SLC16A12: variants seen among roughly 807,000 people sequenced by gnomAD.
SLC16A12 encodes the protein monocarboxylate transporter 12.
Under a neutral mutation model 42.4 loss-of-function variants are expected in SLC16A12, and 17 were observed. The ratio of observed to expected loss-of-function variants is 0.40; its 90% CI spans 0.27 to 0.60. The LOEUF is 0.60. SLC16A12 is among the 20% of genes least tolerant of loss of function. The pLI is 0.42. For synonymous variants in SLC16A12, 224 were observed against 229.4 expected (o/e 0.98, Z 0.21); for missense variants, 544 against 623.0 (o/e 0.87, Z 1.35).
At chr10:89,485,423 A>T (rs1370971935) in intron 2 of SLC16A12, among the ~76,000 whole-genome samples, 2 of 152,250 alleles carry the variant, frequency 1.3e-5, no homozygotes, top group African/African-American at 2.4e-5. Context: ...TCCTGAACTC[A>T]GCTGCTTATG....
chr10:89,476,321 T>C lies in SLC16A12; in HGVS notation c.-46-13697A>G, dbSNP rs140960860. ...ATACCACGATATTTCCTTCACTCTG[T>C]AATCGCTGCCATCCGCCATGCTGTT... On this transcript the variant is annotated intron_variant, in intron 2 of 7. Transcript: ENST00000371790. 3.1e-3 allele frequency among the ~76,000 whole-genome samples: 479 copies of C among 152,294 alleles called. 4 individuals are homozygous for C. Among genetic ancestry groups the C allele is most frequent in the African/African-American group, 0.011 (452 of 41,554 alleles).
At chr10:89,448,770 G>A (rs1177458118) in intron 3 of SLC16A12, among the ~76,000 whole-genome samples, 1 of 152,164 alleles carries the variant, frequency 6.6e-6, no homozygotes, top group African/African-American at 2.4e-5. Flanking sequence ...AATCAGGCAG[G>A]AGAAAGAAAT....
chr10:89,539,880 T>TCTTTCTTA, upstream of SLC16A12, among the ~76,000 whole-genome samples: 1 of 145,894 alleles, frequency 6.9e-6, no homozygotes, highest in African/African-American at 2.7e-5. Context: ...TTTCTTTCTT[T>TCTTTCTTA]CTTTCTTTCT....
chr10:89,547,981 A>T (rs927789938), intron 2 of SLC16A12, among the ~76,000 whole-genome samples: 1 of 151,832 alleles, frequency 6.6e-6, no homozygotes, highest in South Asian at 2.1e-4. Context: ...AAAAAAAAAA[A>T]AAAAAAAGTG....
intron 2 of SLC16A12, among the ~76,000 whole-genome samples, chr10:89,471,341 G>C (rs1421031550): frequency 6.6e-6 from 1 of 152,134 alleles, no homozygotes; most frequent in Non-Finnish European, 1.5e-5. Context: ...ATTGCTTTCT[G>C]TCAAGATAGA....
intron 2 of SLC16A12, 116 bp from the exon 3 acceptor site, chr10:89,462,740 ATG>A: frequency 4.3e-6 from 5 of 1,170,478 alleles, no homozygotes; most frequent in Non-Finnish European, 5.8e-6. Flanking sequence ...ATTTGTAACT[ATG>A]AATACTAGAC....
At chr10:89,480,788 G>C (rs1462200057) in intron 2 of SLC16A12, among the ~76,000 whole-genome samples, 1 of 152,132 alleles carries the variant, frequency 6.6e-6, no homozygotes, top group Non-Finnish European at 1.5e-5. Context: ...CAACACAAAA[G>C]AGTTAAATGG....
At chr10:89,544,279 A>C (rs908244139) in intron 2 of SLC16A12, among the ~76,000 whole-genome samples, 1 of 152,228 alleles carries the variant, frequency 6.6e-6, no homozygotes, top group African/African-American at 2.4e-5. Flanking sequence ...GAGTAGAAGT[A>C]TATGTTTAAG....
At chr10:89,521,177 C>G (rs1843346824) in intron 2 of SLC16A12, among the ~76,000 whole-genome samples, 1 of 152,314 alleles carries the variant, frequency 6.6e-6, no homozygotes, top group East Asian at 1.9e-4. Flanking sequence ...GTAAGGCTGT[C>G]TGAATCTGAC....
Position 89,486,608 on chromosome 10 carries a change from AAAGAAAG to A in SLC16A12, c.-46-23991_-46-23985del, listed in dbSNP as rs1564585796. ...CCTTGTCTCAAAAAAAAAAAAAAAG[AAAGAAAG>A]AAAGAAAGAAAGAAAGAAAGAAAGA... is the stretch of plus-strand genomic sequence containing the variant. On this transcript the variant is annotated intron_variant, in intron 2 of 7. Transcript: ENST00000371790. Among the ~76,000 whole-genome samples, 56 of 40,276 alleles carry A rather than the reference AAAGAAAG, an allele frequency of 1.4e-3. 1 individual carries two copies. Among genetic ancestry groups the A allele is most frequent in the African/African-American group, 6.0e-3 (54 of 8,998 alleles). The allele number at this position is 40,276 out of a possible 152,430, so 26.4% of individuals were successfully genotyped here.
chr10:89,530,566 T>C (rs12256632), intron 2 of SLC16A12, among the ~76,000 whole-genome samples: 22,347 of 151,888 alleles, frequency 0.15, 1,649 homozygotes, highest in African/African-American at 0.16. Context: ...TACAGGCGCC[T>C]ACCACCACGC....
chr10:89,545,243 A>G (rs146401923), intron 2 of SLC16A12, among the ~76,000 whole-genome samples: 78 of 152,338 alleles, frequency 5.1e-4, no homozygotes, highest in African/African-American at 1.7e-3. Flanking sequence ...ACTCATGCAC[A>G]AACAAAAATG....
intron 2 of SLC16A12, among the ~76,000 whole-genome samples, chr10:89,532,538 T>A (rs1383112254): frequency 6.6e-6 from 1 of 152,200 alleles, no homozygotes; most frequent in Admixed American, 6.5e-5. Flanking sequence ...AATGGGTGAC[T>A]TTTTATATAC....
intron 2 of SLC16A12, among the ~76,000 whole-genome samples, chr10:89,511,555 G>A (rs937196337): frequency 6.6e-6 from 1 of 152,066 alleles, no homozygotes; most frequent in African/African-American, 2.4e-5. Context: ...ACAGGGAGGT[G>A]AACATCACAC....
At chr10:89,516,213 T>C (rs1273748378) in intron 2 of SLC16A12, among the ~76,000 whole-genome samples, 1 of 152,176 alleles carries the variant, frequency 6.6e-6, no homozygotes, top group African/African-American at 2.4e-5. Context: ...TGTTCACTGA[T>C]GTATCCCTAT....
chr10:89,457,196 C>G (rs1029004988), intron 3 of SLC16A12, among the ~76,000 whole-genome samples: 1 of 152,032 alleles, frequency 6.6e-6, no homozygotes, highest in Non-Finnish European at 1.5e-5. Context: ...AGACAACCTA[C>G]AGAATGGGAA....
chr10:89,514,920 G>A (rs1341661715), intron 2 of SLC16A12, among the ~76,000 whole-genome samples: 8 of 151,982 alleles, frequency 5.3e-5, no homozygotes, highest in African/African-American at 1.9e-4. Context: ...GTGAAACCTC[G>A]TCTCTACTAA....
At chr10:89,549,865 T>C (rs1032363687) in intron 2 of SLC16A12, among the ~76,000 whole-genome samples, 4 of 152,162 alleles carry the variant, frequency 2.6e-5, no homozygotes, top group African/African-American at 9.7e-5. Context: ...ACCTAAGAAG[T>C]CTAGGAAGAC....
intron 2 of SLC16A12, among the ~76,000 whole-genome samples, chr10:89,480,556 C>T (rs1842647246): frequency 6.6e-6 from 1 of 152,118 alleles, no homozygotes; most frequent in South Asian, 2.1e-4. Flanking sequence ...CTGTTCACTA[C>T]AGTAGCTATA....
Sources: allele counts gnomAD v4.1 joint callset (sites outside exome capture counted in the v4.1 genomes callset), GRCh38; gene constraint gnomAD v4.1.1; transcripts MANE v1.5; gene names NCBI Gene and HGNC (gene_info 2026-07-23, HGNC 2026-07-21).